Variants in CFAP61 observed in about 807,000 individuals in gnomAD.
CFAP61 encodes the protein cilia and flagella associated protein 61.
CFAP61 carries 107 observed loss-of-function variants against 135.6 expected under a neutral mutation model. The ratio of observed to expected loss-of-function variants is 0.79; its 90% CI spans 0.67 to 0.93. The LOEUF is 0.93. CFAP61 is among the 40% of genes least tolerant of loss of function. CFAP61 has a pLI of 0.00. For synonymous variants in CFAP61, 575 were observed against 578.5 expected, an observed-to-expected ratio of 0.99 and a Z score of 0.09; for missense variants, 1,507 against 1,556.2, an observed-to-expected ratio of 0.97 and a Z score of 0.53.
intron 10 of CFAP61, among the ~76,000 whole-genome samples, chr20:20,163,791 G>A (rs1222856762): frequency 6.7e-6 from 1 of 150,346 alleles, no homozygotes; most frequent in Admixed American, 6.7e-5. Flanking sequence ...CCCCCTGACA[G>A]GCCCCAGTGT....
chr20:20,270,951 C>T (rs537504734), intron 21 of CFAP61, among the ~76,000 whole-genome samples: 57 of 152,298 alleles, frequency 3.7e-4, no homozygotes, highest in Admixed American at 2.3e-3. Flanking sequence ...GGATTAGAGG[C>T]GTGAGCCACC....
At chr20:20,355,053 C>CTGTGAGAGGGAAGGTGGTCACAT (rs1469962430) in intron 26 of CFAP61, among the ~76,000 whole-genome samples, 1 of 143,970 alleles carries the variant, frequency 6.9e-6, no homozygotes, top group East Asian at 2.1e-4. Flanking sequence ...GGTGGTCACA[C>CTGTGAGAGGGAAGGTGGTCACAT]TGTGAGAGGG....
chr20:20,080,221 C>T (rs1402685154), intron 6 of CFAP61, among the ~76,000 whole-genome samples: 1 of 152,086 alleles, frequency 6.6e-6, no homozygotes, highest in Non-Finnish European at 1.5e-5. Context: ...TAGTGGCATA[C>T]ATGCACTCTC....
chr20:20,303,481 G>T (rs961129936), intron 25 of CFAP61, among the ~76,000 whole-genome samples: 1 of 152,138 alleles, frequency 6.6e-6, no homozygotes, highest in Admixed American at 6.5e-5. Context: ...TGAGAGCACC[G>T]CTGTGCCTTG....
intron 8 of CFAP61, among the ~76,000 whole-genome samples, chr20:20,102,160 T>C (rs2048072869): frequency 6.6e-6 from 1 of 152,232 alleles, no homozygotes; most frequent in Non-Finnish European, 1.5e-5. Flanking sequence ...GAATAGACTC[T>C]GTTTCCCTAT....
intron 8 of CFAP61, among the ~76,000 whole-genome samples, chr20:20,120,119 T>C (rs1269988019): frequency 6.6e-6 from 1 of 152,190 alleles, no homozygotes; most frequent in Admixed American, 6.6e-5. Context: ...ATTCCTTTGG[T>C]TAAATACTCA....
At chr20:20,256,071 G>A (rs1465448822) in intron 20 of CFAP61, among the ~76,000 whole-genome samples, 1 of 152,146 alleles carries the variant, frequency 6.6e-6, no homozygotes, top group Admixed American at 6.5e-5. Context: ...CAGCCCTTCA[G>A]CCAGCCTTGC....
intron 14 of CFAP61, among the ~76,000 whole-genome samples, chr20:20,189,536 T>C (rs148792507): frequency 1.8e-3 from 267 of 149,924 alleles, no homozygotes; most frequent in African/African-American, 6.3e-3. Flanking sequence ...CACCTCAGAG[T>C]AGGTCACGGA....
intron 15 of CFAP61, among the ~76,000 whole-genome samples, chr20:20,195,093 A>C (rs1449107576): frequency 6.6e-6 from 1 of 152,178 alleles, no homozygotes; most frequent in Non-Finnish European, 1.5e-5. Flanking sequence ...AAAGGCCATT[A>C]CAGGGTCAAT....
intron 25 of CFAP61, among the ~76,000 whole-genome samples, chr20:20,332,006 A>G (rs769118135): frequency 2.6e-5 from 4 of 152,240 alleles, no homozygotes; most frequent in Non-Finnish European, 5.9e-5. Flanking sequence ...TGCTGAACTT[A>G]TATAACAAAT....
At chr20:20,091,741 G>A (rs916722751) in intron 7 of CFAP61, among the ~76,000 whole-genome samples, 3 of 152,136 alleles carry the variant, frequency 2.0e-5, no homozygotes, top group African/African-American at 7.2e-5. Context: ...GCACTGTCAT[G>A]ATCTCGGCTC....
intron 26 of CFAP61, among the ~76,000 whole-genome samples, chr20:20,354,385 C>A (rs2058961894): frequency 6.6e-6 from 1 of 151,902 alleles, no homozygotes; most frequent in South Asian, 2.1e-4. Flanking sequence ...CACCTGTAAT[C>A]CCAGCTACTC....
chr20:20,236,711 C>T (rs1043448965), intron 18 of CFAP61, among the ~76,000 whole-genome samples: 5 of 152,186 alleles, frequency 3.3e-5, no homozygotes, highest in African/African-American at 1.2e-4. Context: ...CCAGCATTTG[C>T]CCAAAACACA....
At chr20:20,127,084 T>C (rs1194842530) in intron 8 of CFAP61, among the ~76,000 whole-genome samples, 1 of 151,700 alleles carries the variant, frequency 6.6e-6, no homozygotes, top group Non-Finnish European at 1.5e-5. Flanking sequence ...GTTTTTTCTT[T>C]ATGTTATCTA....
chr20:20,344,169 A>C (rs2058551373), intron 26 of CFAP61, among the ~76,000 whole-genome samples: 1 of 152,226 alleles, frequency 6.6e-6, no homozygotes, highest in South Asian at 2.1e-4. Context: ...TGGACTATGC[A>C]ATGTGGCCTC....
rs142609525 is a variant in CFAP61 at position 20,204,727 on chromosome 20, T to G, written c.1932+4825T>G. On this transcript the variant is annotated intron_variant, in intron 17 of 26. Transcript: ENST00000245957. ...TGTTTTTAGCTCTTTGGCCATCACCTTGGTAGAGGTTTCTAAAAAGGCAGA... is the reference window on the plus strand; with the variant it reads ...TGTTTTTAGCTCTTTGGCCATCACCGTGGTAGAGGTTTCTAAAAAGGCAGA... Among the ~76,000 whole-genome samples, 637 of 152,330 alleles carry G rather than the reference T, an allele frequency of 4.2e-3. 5 individuals carry two copies. The Middle Eastern group carries it at 0.054, about 13-fold the overall frequency.
intron 26 of CFAP61, among the ~76,000 whole-genome samples, chr20:20,354,022 C>T (rs2078248488): frequency 6.6e-6 from 1 of 152,124 alleles, no homozygotes; most frequent in South Asian, 2.1e-4. Flanking sequence ...ATCTACATTC[C>T]TATGCTTATT....
At chr20:20,085,144 T>C (rs935663284) in intron 6 of CFAP61, 34 of 985,344 alleles carry the variant, frequency 3.5e-5, no homozygotes, top group African/African-American at 1.7e-5. Flanking sequence ...ACTGGAACAC[T>C]GTGCGGCCTG....
intron 8 of CFAP61, among the ~76,000 whole-genome samples, chr20:20,104,082 G>C (rs770852059): frequency 5.9e-5 from 9 of 152,162 alleles, no homozygotes; most frequent in Non-Finnish European, 1.2e-4. Context: ...TTGGCAGGGA[G>C]AGATTTCACT....
Sources: allele counts gnomAD v4.1 joint callset (sites outside exome capture counted in the v4.1 genomes callset), GRCh38; gene constraint gnomAD v4.1.1; transcripts MANE v1.5; gene names NCBI Gene and HGNC (gene_info 2026-07-23, HGNC 2026-07-21).